IWS1: variants seen among roughly 807,000 people sequenced by gnomAD.
The protein encoded by IWS1 is interacts with SUPT6H, CTD assembly factor 1.
In IWS1, 27 loss-of-function variants were observed where a neutral mutation model predicts 86.7. The observed-to-expected ratio is 0.31, with a 90% CI of 0.23 to 0.43. The LOEUF is 0.43. IWS1 is among the 20% of genes least tolerant of loss of function. IWS1 has a pLI of 1.00. For synonymous variants in IWS1, 313 were observed against 335.1 expected, an observed-to-expected ratio of 0.93 and a Z score of 0.72; for missense variants, 827 against 1,000.8, an observed-to-expected ratio of 0.83 and a Z score of 2.34.
chr2:127,525,253 C>T (rs1460018846), intron 1 of IWS1, among the ~76,000 whole-genome samples: 1 of 152,042 alleles, frequency 6.6e-6, no homozygotes, highest in Non-Finnish European at 1.5e-5. Context: ...ATCCACCGCA[C>T]CTGGCTTAGG....
rs1690669123 is a variant in IWS1, at chr2:127,499,100, T to TC, written c.1468-864_1468-863insG. Among the ~76,000 whole-genome samples the TC allele has an allele frequency of 6.8e-6, 1 of 148,058 alleles. No homozygotes were observed. Among genetic ancestry groups the TC allele is most frequent in the Non-Finnish European group, 1.5e-5 (1 of 65,612 alleles). ...CAGGCATAATTTTTCTTTTTCTTTTTTTTTTTTTGAGACGGAGTCTCACTG... is the reference window on the plus strand; with the variant it reads ...CAGGCATAATTTTTCTTTTTCTTTTTCTTTTTTTTGAGACGGAGTCTCACTG... On this transcript the variant is annotated intron_variant, in intron 5 of 13. Coordinates refer to ENST00000295321, the MANE Select transcript of IWS1 (RefSeq NM_017969.3). The surrounding 1 kb of genome is among the most constrained non-coding windows in gnomAD (Gnocchi z 4.0).
At chr2:127,497,024 T>C (rs1690548095) in intron 6 of IWS1, among the ~76,000 whole-genome samples, 1 of 152,204 alleles carries the variant, frequency 6.6e-6, no homozygotes, top group African/African-American at 2.4e-5. Flanking sequence ...AGGTGGGTAG[T>C]AGGCAATACC....
chr2:127,510,226 G>A (rs562296514), intron 2 of IWS1, among the ~76,000 whole-genome samples: 30 of 152,242 alleles, frequency 2.0e-4, no homozygotes, highest in African/African-American at 5.8e-4. Context: ...TTGTCAATGC[G>A]TATCAGTTTA....
chr2:127,483,607 TGTGTGTGTGTGTGTGTGCGTGTGC>T (rs1429137035), intron 13 of IWS1, among the ~76,000 whole-genome samples: 639 of 3,724 alleles, frequency 0.17, 3 homozygotes, highest in Non-Finnish European at 0.37. Context: ...GGTTGGGCTG[TGTGTGTGTGTGTGTGTGCGTGTGC>T]GTGTGTGTGT....
Position 127,499,095 on chromosome 2 carries a change from C to CTTTT in IWS1, c.1468-862_1468-859dup, listed in dbSNP as rs397718564. Among the ~76,000 whole-genome samples, 2 of 143,800 alleles carry CTTTT rather than the reference C, an allele frequency of 1.4e-5. No individual in the cohort carries two copies. Among genetic ancestry groups the CTTTT allele is most frequent in the African/African-American group, 2.6e-5 (1 of 38,888 alleles). The allele number at this position is 143,800 out of a possible 152,430, so 94.3% of individuals were successfully genotyped here. On this transcript the variant is annotated intron_variant, in intron 5 of 13. Coordinates refer to ENST00000295321, the MANE Select transcript of IWS1 (RefSeq NM_017969.3). The surrounding 1 kb of genome is among the most constrained non-coding windows in gnomAD (Gnocchi z 4.0). ...TTTGCCAGGCATAATTTTTCTTTTT[C>CTTTT]TTTTTTTTTTTTTGAGACGGAGTCT...
intron 1 of IWS1, among the ~76,000 whole-genome samples, chr2:127,524,541 CTT>C (rs111899416): frequency 1.2e-4 from 18 of 144,892 alleles, no homozygotes; most frequent in African/African-American, 2.8e-4. Flanking sequence ...CATATAATTA[CTT>C]TTTTTTTTTT....
intron 1 of IWS1, 139 bp downstream of exon 1, chr2:127,526,036 G>A (rs1692389831): frequency 1.4e-6 from 1 of 736,176 alleles, no homozygotes; most frequent in Non-Finnish European, 2.2e-6. Flanking sequence ...CTGGTCAGAG[G>A]GCTCTTGCCC....
chr2:127,487,447 T>C (rs1175806505), intron 12 of IWS1, among the ~76,000 whole-genome samples: 1 of 152,202 alleles, frequency 6.6e-6, no homozygotes, highest in Non-Finnish European at 1.5e-5. Context: ...ATTCAAACCA[T>C]TCAGCATTTA....
chr2:127,508,663 G>GT (rs1691274372), intron 2 of IWS1, among the ~76,000 whole-genome samples: 1 of 152,156 alleles, frequency 6.6e-6, no homozygotes, highest in African/African-American at 2.4e-5. Flanking sequence ...GGAAGGTTAA[G>GT]TACCAACGCA....
chr2:127,486,530 T>C, intron 13 of IWS1, 23 bp downstream of exon 13: 5 of 1,518,184 alleles, frequency 3.3e-6, no homozygotes, highest in Non-Finnish European at 3.7e-6. Flanking sequence ...GAGATCCACC[T>C]TGCCGATCCT....
At chr2:127,491,075 C>T (rs544507462) in intron 10 of IWS1, among the ~76,000 whole-genome samples, 37 of 152,228 alleles carry the variant, frequency 2.4e-4, no homozygotes, top group African/African-American at 8.2e-4. Flanking sequence ...ACAAACATGG[C>T]GCTTGATTAC....
chr2:127,526,218 AC>A lies in IWS1; in HGVS notation c.-11del. On this transcript the variant is annotated 5_prime_UTR_variant, in exon 1 of 14. Coordinates refer to ENST00000295321, the MANE Select transcript of IWS1 (RefSeq NM_017969.3). ...AATATTCCGAGTCCATGGCAGGCGGACTCTCAGCGGGGAGTGTCCGCGCCCC... is the reference window on the plus strand; with the variant it reads ...AATATTCCGAGTCCATGGCAGGCGGATCTCAGCGGGGAGTGTCCGCGCCCC... 1 of 1,566,234 alleles carries A rather than the reference AC, an allele frequency of 6.4e-7. No homozygotes were observed. Among genetic ancestry groups the A allele is most frequent in the Non-Finnish European group, 8.6e-7 (1 of 1,157,626 alleles).
chr2:127,481,045 C>T lies in IWS1; in HGVS notation c.2459G>A (p.Ter820=). ...GATGGGGACACATTCCAGGCAAGGTCACAATGGCATTTTGTTGCCCTCAAT... is the reference window on the plus strand; with the variant it reads ...GATGGGGACACATTCCAGGCAAGGTTACAATGGCATTTTGTTGCCCTCAAT... ...ISIEGNKMPL[*] The change falls in exon 14 of 14, where the codon TGA becomes TAA. Residue 820 remains the stop codon, a stop_retained_variant. Coordinates refer to ENST00000295321, the MANE Select transcript of IWS1 (RefSeq NM_017969.3). 1 of 1,607,272 alleles carries T rather than the reference C, an allele frequency of 6.2e-7. No homozygotes were observed.
chr2:127,512,653 A>G (rs1192562402), intron 2 of IWS1, among the ~76,000 whole-genome samples: 1 of 152,126 alleles, frequency 6.6e-6, no homozygotes, highest in Non-Finnish European at 1.5e-5. Flanking sequence ...TCCAACTGGC[A>G]ATGTCTCTCA....
chr2:127,492,043 G>T lies in IWS1; in HGVS notation c.1975C>A (p.Arg659=). The change falls in exon 10 of 14, where the codon CGA becomes AGA. Residue 659 remains arginine (R), a synonymous_variant. Coordinates refer to ENST00000295321, the MANE Select transcript of IWS1 (RefSeq NM_017969.3). ...QETLKHSGIG[R]AVMYLYKHPK... Reference sequence around the variant, plus strand: ...TGTTTATAGAGATACATCACTGCTCGTCCAATCCCACTATGCTTCAGGGTC... The same window carrying T: ...TGTTTATAGAGATACATCACTGCTCTTCCAATCCCACTATGCTTCAGGGTC... The T allele has an allele frequency of 1.2e-6, 2 of 1,613,992 alleles. No homozygotes were observed. Among genetic ancestry groups the T allele is most frequent in the Middle Eastern group, 3.3e-4 (2 of 6,062 alleles).
At chr2:127,522,127 A>T (rs142568360) in intron 2 of IWS1, among the ~76,000 whole-genome samples, 226 of 152,288 alleles carry the variant, frequency 1.5e-3, no homozygotes, top group African/African-American at 5.4e-3. Context: ...CCACACCCGC[A>T]TTTAGTTCTC....
In IWS1 at chr2:127,489,303, TA is replaced by T. The variant is rs1279866741; in HGVS notation, c.2160-69del. On this transcript the variant is annotated intron_variant, in intron 11 of 13. Transcript: ENST00000295321. The surrounding 1 kb of genome is among the most constrained non-coding windows in gnomAD (Gnocchi z 4.8). ...CTAATAACTCAGAAAAAGAGCAAAC[TA>T]AAAATCAAACTTAGACCATAACTAT... is the stretch of plus-strand genomic sequence containing the variant. 1.8e-6 allele frequency: 2 copies of T among 1,141,988 alleles called. No individual in the cohort carries two copies. The highest frequency in any genetic ancestry group is 4.1e-5 in the Admixed American group (2 of 49,188). The allele number at this position is 1,141,988 out of a possible 1,614,324, so 70.7% of individuals were successfully genotyped here.
In IWS1 at chr2:127,505,769, G is replaced by T; in HGVS notation, c.151-17C>A. On this transcript the variant is annotated splice_polypyrimidine_tract_variant and intron_variant, in intron 2 of 13. Coordinates refer to ENST00000295321, the MANE Select transcript of IWS1 (RefSeq NM_017969.3). This position sits in a 1 kb window ranked among gnomAD's most constrained non-coding sequence, Gnocchi z 5.0. ...AGTTTCATTCTGAAAAATAAAGTGA[G>T]AAAAAATTAGGAAAGTGCAAAAAAA... The T allele has an allele frequency of 1.2e-5, 15 of 1,241,712 alleles. No individual in the cohort carries two copies. The highest frequency in any genetic ancestry group is 2.7e-5 in the East Asian group (1 of 36,452). 76.9% of individuals were successfully genotyped at this position (1,241,712 alleles called of 1,614,324 possible).
At position 127,489,169 on chromosome 2, in the gene IWS1, A is replaced by C; in HGVS notation, c.2216+10T>G. The C allele has an allele frequency of 6.2e-7, 1 of 1,601,484 alleles. No homozygotes were observed. Among genetic ancestry groups the C allele is most frequent in the Non-Finnish European group, 8.6e-7 (1 of 1,169,534 alleles). The stretch of plus-strand genomic sequence containing the variant: ...TAGTCTAGGAAGAAAAATTAACATT[A>C]AAACCTTACTTCTCCTCTCCTGTCA... On this transcript the variant is annotated intron_variant, in intron 12 of 13. Coordinates refer to ENST00000295321, the MANE Select transcript of IWS1 (RefSeq NM_017969.3). The surrounding 1 kb of genome is among the most constrained non-coding windows in gnomAD (Gnocchi z 4.8).
Sources: allele counts gnomAD v4.1 joint callset (sites outside exome capture counted in the v4.1 genomes callset), GRCh38; gene constraint gnomAD v4.1.1; non-coding constraint Gnocchi (gnomAD v3.1); transcripts MANE v1.5; gene names NCBI Gene and HGNC (gene_info 2026-07-23, HGNC 2026-07-21).